Variants in DIAPH3 observed in about 807,000 individuals in gnomAD.
The protein encoded by DIAPH3 is protein diaphanous homolog 3.
DIAPH3 carries 117 observed loss-of-function variants against 144.3 expected under a neutral mutation model. That is an observed-to-expected ratio of 0.81 (90% CI 0.70 to 0.95). The LOEUF (loss-of-function observed/expected upper bound fraction) is 0.95, where lower values mean the gene tolerates loss of function less well. DIAPH3 is among the 40% of genes least tolerant of loss of function. The probability of loss-of-function intolerance (pLI) is 0.00; values close to 1 mark genes in which losing one functional copy is unlikely to be tolerated. For synonymous variants in DIAPH3, 519 were observed against 488.9 expected, an observed-to-expected ratio of 1.06 and a Z score of -0.81; for missense variants, 1,421 against 1,412.7, an observed-to-expected ratio of 1.01 and a Z score of -0.09.
chr13:60,157,885 C>G (rs2138455952), intron 1 of DIAPH3, among the ~76,000 whole-genome samples: 1 of 152,226 alleles, frequency 6.6e-6, no homozygotes, highest in South Asian at 2.1e-4. Context: ...ATGTAGGGTT[C>G]AGAAATTTGA....
chr13:59,993,745 G>A (rs1217563304), intron 9 of DIAPH3, among the ~76,000 whole-genome samples: 1 of 121,564 alleles, frequency 8.2e-6, no homozygotes, highest in East Asian at 2.1e-4. Context: ...TACCTTTCCA[G>A]TACATGTTCA....
In DIAPH3 at chr13:59,672,791, T is replaced by C. The variant is rs2032448660; in HGVS notation, c.3320-5945A>G. 2.0e-5 allele frequency among the ~76,000 whole-genome samples: 3 copies of C among 152,208 alleles called. 1 individual carries two copies. In the South Asian group the frequency reaches 6.2e-4, roughly 32 times the overall value. ...ATAATTCAAAGAGCAAAAGGTCATT[T>C]TGCATATAGTTAAAATCTTTTAGGG... On this transcript the variant is annotated intron_variant, in intron 27 of 27. Coordinates refer to ENST00000400324, the MANE Select transcript of DIAPH3 (RefSeq NM_001042517.2).
intron 1 of DIAPH3, among the ~76,000 whole-genome samples, chr13:60,158,481 A>G (rs930911476): frequency 2.6e-5 from 4 of 152,206 alleles, no homozygotes; most frequent in Admixed American, 6.5e-5. Flanking sequence ...GTTAATGTGT[A>G]TCCACCTCAG....
chr13:59,996,776 C>G (rs756471058), intron 9 of DIAPH3, among the ~76,000 whole-genome samples: 1 of 151,868 alleles, frequency 6.6e-6, no homozygotes, highest in East Asian at 1.9e-4. Context: ...ACAGGGCAAA[C>G]GATCAAAGGA....
chr13:59,847,853 G>C (rs1242694023), intron 22 of DIAPH3, among the ~76,000 whole-genome samples: 2 of 152,108 alleles, frequency 1.3e-5, no homozygotes, highest in Non-Finnish European at 2.9e-5. Context: ...CTCAAGCCTA[G>C]ATCCTTCCCC....
At chr13:59,733,743 C>T (rs2036001375) in intron 27 of DIAPH3, among the ~76,000 whole-genome samples, 1 of 152,200 alleles carries the variant, frequency 6.6e-6, no homozygotes. Context: ...TGAGGACAGA[C>T]ATGTGGTATG....
intron 3 of DIAPH3, among the ~76,000 whole-genome samples, chr13:60,095,672 T>C (rs1360891340): frequency 1.3e-5 from 2 of 152,086 alleles, no homozygotes; most frequent in Non-Finnish European, 2.9e-5. Context: ...ATCAGCAGGG[T>C]TGTGACTAGA....
rs564614298 is a variant in DIAPH3 at position 59,880,586 on chromosome 13, G to A, written c.2368-1118C>T. 6.6e-5 allele frequency among the ~76,000 whole-genome samples: 10 copies of A among 152,050 alleles called. No homozygotes were observed. In the East Asian group the frequency reaches 1.4e-3, roughly 21 times the overall value. On this transcript the variant is annotated intron_variant, in intron 20 of 27. Coordinates refer to ENST00000400324, the MANE Select transcript of DIAPH3 (RefSeq NM_001042517.2). ...ATCAGCTCATAATATAATAATGACC[G>A]TTACTTAAAATATACTAGACAAAGG...
intron 27 of DIAPH3, among the ~76,000 whole-genome samples, chr13:59,749,682 A>G (rs1323110668): frequency 3.3e-5 from 5 of 151,934 alleles, no homozygotes; most frequent in Admixed American, 3.3e-4. Context: ...TAAGAAGTAT[A>G]TAATATTTTA....
At chr13:59,858,470 C>T (rs897813688) in intron 22 of DIAPH3, among the ~76,000 whole-genome samples, 3 of 151,854 alleles carry the variant, frequency 2.0e-5, no homozygotes, top group Admixed American at 6.6e-5. Flanking sequence ...TGAACTAGCA[C>T]GGTATTTCTA....
rs571477966 is a variant in DIAPH3 at position 60,163,268 on chromosome 13, T to A, written c.180+319A>T. On this transcript the variant is annotated intron_variant, in intron 1 of 27. Coordinates refer to ENST00000400324, the MANE Select transcript of DIAPH3 (RefSeq NM_001042517.2). ...TCACCTAAAAGTTCATTTTGATATA[T>A]CTTATACCCTCTTACACTAGGGAGG... Among the ~76,000 whole-genome samples, 6 of 152,302 alleles carry A rather than the reference T, an allele frequency of 3.9e-5. No homozygotes were observed. In the South Asian group the frequency reaches 1.2e-3, roughly 32 times the overall value.
intron 18 of DIAPH3, among the ~76,000 whole-genome samples, chr13:59,921,711 G>A (rs2047528641): frequency 6.6e-6 from 1 of 151,896 alleles, no homozygotes; most frequent in South Asian, 2.1e-4. Context: ...AAAGAGTAGA[G>A]AATACTGCCA....
At chr13:60,082,317 T>C (rs2057587729) in intron 4 of DIAPH3, among the ~76,000 whole-genome samples, 2 of 150,046 alleles carry the variant, frequency 1.3e-5, no homozygotes, top group South Asian at 4.2e-4. Flanking sequence ...ATATTAAAGA[T>C]AGACAAAAAT....
intron 4 of DIAPH3, among the ~76,000 whole-genome samples, chr13:60,084,382 T>A (rs1394220941): frequency 6.6e-6 from 1 of 152,088 alleles, no homozygotes; most frequent in African/African-American, 2.4e-5. Flanking sequence ...GTCCTAGCTA[T>A]GGCATTAATG....
In DIAPH3 at chr13:60,042,682, T is replaced by C. The variant is rs764496125; in HGVS notation, c.626+8A>G. The C allele has an allele frequency of 2.1e-5, 34 of 1,613,458 alleles. No individual in the cohort carries two copies. Among genetic ancestry groups the C allele is most frequent in the Non-Finnish European group, 2.8e-5 (33 of 1,179,602 alleles). ...TCTGCCCTGTTGGTGTTCAAATAGA[T>C]GAATTACCTCACAGGATTGCTGGTC... On this transcript the variant is annotated splice_region_variant and intron_variant, in intron 5 of 27. Transcript: ENST00000400324.
chr13:59,719,913 C>T (rs541775449), intron 27 of DIAPH3, among the ~76,000 whole-genome samples: 1 of 152,188 alleles, frequency 6.6e-6, no homozygotes, highest in Non-Finnish European at 1.5e-5. Flanking sequence ...GTATAAAAGT[C>T]AATGATAACT....
intron 4 of DIAPH3, among the ~76,000 whole-genome samples, chr13:60,072,690 A>G (rs2057252325): frequency 6.6e-6 from 1 of 152,210 alleles, no homozygotes; most frequent in Non-Finnish European, 1.5e-5. Flanking sequence ...TTGAAACACA[A>G]TCCAGACATT....
At chr13:59,823,696 T>C (rs945227535) in intron 24 of DIAPH3, among the ~76,000 whole-genome samples, 14 of 152,202 alleles carry the variant, frequency 9.2e-5, no homozygotes, top group African/African-American at 3.1e-4. Context: ...GACATTCCTT[T>C]TGATGATCTA....
chr13:60,113,851 C>A (rs375561322), intron 2 of DIAPH3, among the ~76,000 whole-genome samples: 1 of 152,106 alleles, frequency 6.6e-6, no homozygotes, highest in Non-Finnish European at 1.5e-5. Flanking sequence ...AGGAGCCCCA[C>A]ATGAAGCCCC....
Sources: gnomAD v4.1 joint callset for allele counts (sites outside exome capture counted in the v4.1 genomes callset) on GRCh38, gnomAD v4.1.1 for gene constraint, MANE v1.5 for transcripts, NCBI Gene and HGNC (gene_info 2026-07-23, HGNC 2026-07-21) for gene names.